Variants in PHACTR1 observed in about 807,000 individuals in gnomAD.
The protein encoded by PHACTR1 is RPEL repeat containing 1.
PHACTR1 carries 16 observed loss-of-function variants against 69.2 expected under a neutral mutation model. The ratio of observed to expected loss-of-function variants is 0.23; its 90% CI spans 0.16 to 0.35. PHACTR1 has a LOEUF of 0.35. Among genes scored for constraint, PHACTR1 ranks in the 10% least tolerant of loss-of-function variants. PHACTR1 has a pLI of 1.00. For synonymous variants in PHACTR1, 312 were observed against 284.5 expected, an observed-to-expected ratio of 1.10 and a Z score of -0.97; for missense variants, 510 against 734.7, an observed-to-expected ratio of 0.69 and a Z score of 3.54.
At chr6:13,190,572 G>A (rs1361784290) in intron 7 of PHACTR1, among the ~76,000 whole-genome samples, 2 of 152,028 alleles carry the variant, frequency 1.3e-5, no homozygotes, top group African/African-American at 4.8e-5. Flanking sequence ...ATAAAGAGGA[G>A]GATCTGAGTT....
chr6:13,050,847 A>C (rs1391673087), intron 4 of PHACTR1, among the ~76,000 whole-genome samples: 2 of 152,316 alleles, frequency 1.3e-5, no homozygotes, highest in Non-Finnish European at 2.9e-5. Context: ...AATGTTAGCC[A>C]TTCTTGCTTC....
At chr6:12,881,511 C>T (rs1050947032) in intron 4 of PHACTR1, among the ~76,000 whole-genome samples, 1 of 152,114 alleles carries the variant, frequency 6.6e-6, no homozygotes, top group African/African-American at 2.4e-5. Context: ...TACTCTTCCC[C>T]CAGACATGCC....
chr6:12,971,256 G>A (rs1794161661), intron 4 of PHACTR1, among the ~76,000 whole-genome samples: 1 of 152,134 alleles, frequency 6.6e-6, no homozygotes, highest in Non-Finnish European at 1.5e-5. Flanking sequence ...TAGCCGTAGG[G>A]TTAGTCTTTC....
At chr6:13,244,360 C>T (rs1773290109) in intron 10 of PHACTR1, among the ~76,000 whole-genome samples, 1 of 152,186 alleles carries the variant, frequency 6.6e-6, no homozygotes, top group African/African-American at 2.4e-5. Flanking sequence ...TTTCGGGCAC[C>T]ATTGTCATTG....
At chr6:12,780,822 T>C (rs1770722927) in intron 4 of PHACTR1, among the ~76,000 whole-genome samples, 1 of 152,060 alleles carries the variant, frequency 6.6e-6, no homozygotes, top group South Asian at 2.1e-4. Context: ...AATACTAGAG[T>C]GCAAACTGAC....
At chr6:13,018,336 C>G (rs1582987168) in intron 4 of PHACTR1, among the ~76,000 whole-genome samples, 1 of 152,288 alleles carries the variant, frequency 6.6e-6, no homozygotes, top group East Asian at 1.9e-4. Flanking sequence ...AATTGGGGTT[C>G]ACAGCTGAAT....
At chr6:13,112,625 A>C (rs1002931843) in intron 5 of PHACTR1, among the ~76,000 whole-genome samples, 1 of 152,162 alleles carries the variant, frequency 6.6e-6, no homozygotes, top group Non-Finnish European at 1.5e-5. Context: ...TTCTCTAATG[A>C]TCAGTGATGT....
At chr6:12,740,437 C>G (rs1487103175) in intron 3 of PHACTR1, among the ~76,000 whole-genome samples, 1 of 151,956 alleles carries the variant, frequency 6.6e-6, no homozygotes, top group Non-Finnish European at 1.5e-5. Context: ...AAAATTTTAG[C>G]CAGATTATAG....
chr6:12,829,999 C>T (rs1326154138), intron 4 of PHACTR1, among the ~76,000 whole-genome samples: 12 of 47,728 alleles, frequency 2.5e-4, no homozygotes, highest in Middle Eastern at 0.013. Flanking sequence ...AGAGAGAGAA[C>T]GAAAAGAAGG....
chr6:12,750,976 ATGTG>A lies in PHACTR1; in HGVS notation c.250+1201_250+1204del, dbSNP rs5874376. ...TGGAAATGGGACTAAATCAAACAAA[ATGTG>A]TGTGTGTGTGTGTGCGCGTGCGTGC... is the stretch of plus-strand genomic sequence containing the variant. On this transcript the variant is annotated intron_variant, in intron 4 of 14. Transcript: ENST00000332995. 1.7e-3 allele frequency among the ~76,000 whole-genome samples: 263 copies of A among 151,440 alleles called. 1 individual carries two copies. The highest frequency in any genetic ancestry group is 0.017 in the South Asian group (82 of 4,760).
intron 8 of PHACTR1, among the ~76,000 whole-genome samples, chr6:13,218,633 A>T (rs1768039794): frequency 6.6e-6 from 1 of 152,088 alleles, no homozygotes. Context: ...CAGTCTGGCC[A>T]ACATAGCGAG....
chr6:13,236,006 G>C (rs1422196320), intron 10 of PHACTR1, among the ~76,000 whole-genome samples: 4 of 152,092 alleles, frequency 2.6e-5, no homozygotes, highest in Non-Finnish European at 5.9e-5. Flanking sequence ...GATTGGGGCT[G>C]TCTACCTCCC....
chr6:13,125,434 A>G (rs534027845), intron 5 of PHACTR1, among the ~76,000 whole-genome samples: 21 of 151,836 alleles, frequency 1.4e-4, no homozygotes, highest in Non-Finnish European at 3.1e-4. Flanking sequence ...AGTTGTTCTC[A>G]TTTACCTTTC....
intron 4 of PHACTR1, among the ~76,000 whole-genome samples, chr6:12,820,236 C>T (rs553149738): frequency 4.6e-5 from 7 of 152,248 alleles, no homozygotes; most frequent in African/African-American, 1.4e-4. Context: ...GGCTGGAGTG[C>T]GGTGGTGGGA....
chr6:12,753,750 T>G (rs2127599846), intron 4 of PHACTR1, among the ~76,000 whole-genome samples: 1 of 152,164 alleles, frequency 6.6e-6, no homozygotes, highest in East Asian at 1.9e-4. Flanking sequence ...ACAATGGCAG[T>G]CAGAACTGGC....
chr6:13,133,353 G>A (rs527887181), intron 5 of PHACTR1, among the ~76,000 whole-genome samples: 5 of 151,156 alleles, frequency 3.3e-5, no homozygotes, highest in East Asian at 3.9e-4. Flanking sequence ...AACGGAGGCC[G>A]GACTGTAATG....
chr6:13,053,411 C>T lies in PHACTR1; in HGVS notation c.297C>T (p.Val99=), dbSNP rs141282814. The change falls in exon 5 of 15, where the codon GTC becomes GTT. Residue 99 remains valine, a synonymous_variant. Transcript: ENST00000332995. Reference sequence around the variant, plus strand: ...CGGCGATGCGTTCTGACTCCCTCGTCCCAGGCACCCACACCCCACCCATCC... The same window carrying T: ...CGGCGATGCGTTCTGACTCCCTCGTTCCAGGCACCCACACCCCACCCATCC... ...RLAAMRSDSL[V]PGTHTPPIRR... 3,008 of 1,613,372 alleles carry T rather than the reference C, an allele frequency of 1.9e-3. 6 individuals carry two copies. The highest frequency in any genetic ancestry group is 2.3e-3 in the Admixed American group (136 of 59,930).
At chr6:13,115,585 G>A (rs2127924641) in intron 5 of PHACTR1, among the ~76,000 whole-genome samples, 1 of 152,276 alleles carries the variant, frequency 6.6e-6, no homozygotes, top group South Asian at 2.1e-4. Flanking sequence ...AAACAGGAAT[G>A]AGGCAAAGTC....
At chr6:12,845,926 A>C (rs1023541388) in intron 4 of PHACTR1, among the ~76,000 whole-genome samples, 1 of 152,224 alleles carries the variant, frequency 6.6e-6, no homozygotes, top group Non-Finnish European at 1.5e-5. Flanking sequence ...GATTTCATGC[A>C]CCTGCTGAAA....
Sources: gnomAD v4.1 joint callset for allele counts (sites outside exome capture counted in the v4.1 genomes callset) on GRCh38, gnomAD v4.1.1 for gene constraint, MANE v1.5 for transcripts, NCBI Gene and HGNC (gene_info 2026-07-23, HGNC 2026-07-21) for gene names.